The following DACH2 variants were observed in gnomAD, a reference collection of about 807,000 sequenced individuals.
The protein encoded by DACH2 is dachshund homolog 2.
In DACH2, 17 loss-of-function variants were observed where a neutral mutation model predicts 35.8. That is an observed-to-expected ratio of 0.48 (90% confidence interval 0.33 to 0.71). DACH2 has a LOEUF of 0.71. DACH2 is among the 30% of genes least tolerant of loss of function. DACH2 has a pLI of 0.02. For synonymous variants in DACH2, 195 were observed against 177.3 expected, an observed-to-expected ratio of 1.10 and a Z score of -0.79; for missense variants, 469 against 472.7, an observed-to-expected ratio of 0.99 and a Z score of 0.07.
At chrX:86,587,399 T>C (rs1458526155) in intron 3 of DACH2, among the ~76,000 whole-genome samples, 1 of 111,446 alleles carries the variant, frequency 9.0e-6, no homozygotes. Flanking sequence ...TTGGATAACT[T>C]TTCTTTCTTT....
chrX:86,824,518 A>C (rs1397609957), intron 11 of DACH2, among the ~76,000 whole-genome samples: 1 of 111,868 alleles, frequency 8.9e-6, no homozygotes, highest in Non-Finnish European at 1.9e-5. Context: ...GGTGATGTAC[A>C]TCCTCAGCTT....
chrX:86,664,085 G>GCT (rs984526738), intron 4 of DACH2, among the ~76,000 whole-genome samples: 1 of 111,611 alleles, frequency 9.0e-6, no homozygotes, highest in African/African-American at 3.3e-5. Flanking sequence ...GAGCACAAAT[G>GCT]CTATTCCCTT....
chrX:86,618,567 C>T (rs1305423534), intron 3 of DACH2, among the ~76,000 whole-genome samples: 1 of 111,734 alleles, frequency 8.9e-6, no homozygotes, highest in Non-Finnish European at 1.9e-5. Flanking sequence ...TTAAATGATA[C>T]ATGTACAAAT....
At chrX:86,808,541 C>A (rs1321691391) in intron 7 of DACH2, among the ~76,000 whole-genome samples, 1 of 109,982 alleles carries the variant, frequency 9.1e-6, no homozygotes, top group African/African-American at 3.3e-5. Flanking sequence ...TCACACAAGT[C>A]ACATTACACA....
intron 4 of DACH2, among the ~76,000 whole-genome samples, chrX:86,670,212 A>G (rs1320486422): frequency 9.0e-6 from 1 of 111,266 alleles, no homozygotes; most frequent in Non-Finnish European, 1.9e-5. Flanking sequence ...TATCAAGAAT[A>G]GATCAATTAT....
At chrX:86,829,668 T>G (rs986586258) in intron 11 of DACH2, 1 of 112,366 alleles carries the variant, frequency 8.9e-6, no homozygotes, top group African/African-American at 3.2e-5. Context: ...CTGTGTGGAG[T>G]GTCCACACTG....
At chrX:86,689,773 A>G (rs1381500952) in intron 4 of DACH2, among the ~76,000 whole-genome samples, 1 of 111,781 alleles carries the variant, frequency 8.9e-6, no homozygotes, top group East Asian at 2.8e-4. Context: ...AAACACTTCT[A>G]TTTTTCACAG....
At chrX:86,523,346 A>T (rs369787762) in intron 3 of DACH2, among the ~76,000 whole-genome samples, 5 of 111,169 alleles carry the variant, frequency 4.5e-5, no homozygotes, top group African/African-American at 1.6e-4. Context: ...TGCATTTCAA[A>T]TTTTCACTCA....
chrX:86,597,453 C>A (rs2148355013), intron 3 of DACH2, among the ~76,000 whole-genome samples: 1 of 112,003 alleles, frequency 8.9e-6, no homozygotes, highest in Admixed American at 9.5e-5. Context: ...GTGTGTATTT[C>A]AATTTCCTTA....
chrX:86,494,371 G>A (rs901432548), intron 2 of DACH2, among the ~76,000 whole-genome samples: 1 of 111,826 alleles, frequency 8.9e-6, no homozygotes, highest in East Asian at 2.8e-4. Context: ...TGGCTACTAT[G>A]AGCCCAACCC....
chrX:86,655,626 T>G (rs769841665), intron 4 of DACH2, among the ~76,000 whole-genome samples: 34 of 111,252 alleles, frequency 3.1e-4, no homozygotes, highest in African/African-American at 1.0e-3. Flanking sequence ...GGCTCCACAA[T>G]GTACAATATT....
chrX:86,692,371 C>A (rs765390651), intron 4 of DACH2, among the ~76,000 whole-genome samples: 3 of 110,798 alleles, frequency 2.7e-5, no homozygotes, highest in Non-Finnish European at 3.8e-5. Context: ...CCCCTCCACC[C>A]GCCCCACCTT....
At chrX:86,402,261 G>T (rs1056445300) in intron 2 of DACH2, among the ~76,000 whole-genome samples, 13 of 111,892 alleles carry the variant, frequency 1.2e-4, no homozygotes, top group African/African-American at 4.2e-4. Context: ...CTTCACTTAT[G>T]ATATAATTTT....
chrX:86,785,852 A>C (rs1324238754), intron 7 of DACH2, among the ~76,000 whole-genome samples: 1 of 111,074 alleles, frequency 9.0e-6, no homozygotes, highest in Non-Finnish European at 1.9e-5. Context: ...TTCCCCCCTA[A>C]ATTACAATTC....
At chrX:86,445,274 C>A (rs1268275301) in intron 2 of DACH2, among the ~76,000 whole-genome samples, 2 of 97,472 alleles carry the variant, frequency 2.1e-5, no homozygotes, top group Non-Finnish European at 2.0e-5. Context: ...AACCAAACAC[C>A]GCATATTCTC....
chrX:86,242,904 C>T (rs1013459681), intron 1 of DACH2, among the ~76,000 whole-genome samples: 2 of 111,223 alleles, frequency 1.8e-5, no homozygotes, highest in African/African-American at 3.3e-5. Flanking sequence ...CACCTTCCAC[C>T]GTGATTGTAA....
At chrX:86,375,386 C>CATATAT (rs746039983) in intron 1 of DACH2, among the ~76,000 whole-genome samples, 4 of 95,614 alleles carry the variant, frequency 4.2e-5, no homozygotes, top group African/African-American at 1.5e-4. Context: ...ATATATAATA[C>CATATAT]ATATATATAT....
At chrX:86,220,114 C>T (rs1293327314) in intron 1 of DACH2, among the ~76,000 whole-genome samples, 2 of 95,901 alleles carry the variant, frequency 2.1e-5, no homozygotes, top group Non-Finnish European at 4.0e-5. Flanking sequence ...TGCAGTGAGC[C>T]GAGATCGTGC....
chrX:86,337,397 GC>G (rs2035332048), intron 1 of DACH2, among the ~76,000 whole-genome samples: 1 of 112,238 alleles, frequency 8.9e-6, no homozygotes, highest in Admixed American at 9.5e-5. Context: ...AACCTTACAA[GC>G]CAGAAGAGAG....
Sources: allele counts gnomAD v4.1 joint callset (sites outside exome capture counted in the v4.1 genomes callset), GRCh38; gene constraint gnomAD v4.1.1; transcripts MANE v1.5; gene names NCBI Gene and HGNC (gene_info 2026-07-23, HGNC 2026-07-21).